Variants in FHIT observed in about 807,000 individuals in gnomAD.
FHIT encodes fragile histidine triad diadenosine triphosphatase.
A neutral mutation model predicts 17.9 loss-of-function variants in FHIT; 19 were observed. The observed-to-expected ratio is 1.06, with a 90% CI of 0.74 to 1.56. The LOEUF (loss-of-function observed/expected upper bound fraction) is 1.56, where lower values mean the gene tolerates loss of function less well. Among genes scored for constraint, FHIT ranks in the 40% most tolerant of loss-of-function variants. The pLI is 0.00. For missense variants in FHIT, 248 were observed against 189.2 expected, an observed-to-expected ratio of 1.31 and a Z score of -1.82; for synonymous variants, 81 against 69.7, an observed-to-expected ratio of 1.16 and a Z score of -0.81.
chr3:60,531,498 T>TTAG (rs2035784432), intron 5 of FHIT, among the ~76,000 whole-genome samples: 1 of 152,062 alleles, frequency 6.6e-6, no homozygotes, highest in Admixed American at 6.6e-5. Flanking sequence ...CAGGATGGTC[T>TTAG]CGATCTCCTG....
At position 61,211,730 on chromosome 3, in the gene FHIT, C is replaced by T. The variant is rs1288655261; in HGVS notation, c.-212-11065G>A. On this transcript the variant is annotated intron_variant, in intron 1 of 9. Transcript: ENST00000492590. ...AAGTAGGTCCCTGACCCCTGACCCC[C>T]GAGCAGCCTAACTGGGAGGCACCCC... Among the ~76,000 whole-genome samples, 4 of 152,222 alleles carry T rather than the reference C, an allele frequency of 2.6e-5. No homozygotes were observed. In the East Asian group the frequency reaches 5.8e-4, roughly 22 times the overall value.
chr3:61,034,461 T>C (rs2033149829), intron 3 of FHIT, among the ~76,000 whole-genome samples: 1 of 151,666 alleles, frequency 6.6e-6, no homozygotes, highest in Admixed American at 6.6e-5. Context: ...AAAAACCAGG[T>C]AATGGGTAGA....
intron 5 of FHIT, among the ~76,000 whole-genome samples, chr3:60,504,576 C>T (rs1213104116): frequency 6.6e-6 from 1 of 152,024 alleles, no homozygotes; most frequent in Non-Finnish European, 1.5e-5. Context: ...CTGCCAAATA[C>T]AATATATTGA....
chr3:60,951,270 G>C (rs1225152052), intron 3 of FHIT, among the ~76,000 whole-genome samples: 1 of 152,180 alleles, frequency 6.6e-6, no homozygotes, highest in Non-Finnish European at 1.5e-5. Context: ...CAAAAGCACA[G>C]GCAAAGAAGA....
intron 4 of FHIT, among the ~76,000 whole-genome samples, chr3:60,664,660 A>T (rs189065864): frequency 1.3e-5 from 2 of 149,792 alleles, no homozygotes; most frequent in East Asian, 3.9e-4. Context: ...TTAAATAGCT[A>T]TAGGACTAGG....
intron 8 of FHIT, among the ~76,000 whole-genome samples, chr3:59,806,302 A>C (rs1170113583): frequency 6.6e-6 from 1 of 152,184 alleles, no homozygotes; most frequent in Non-Finnish European, 1.5e-5. Flanking sequence ...GCCTCTCTTA[A>C]GCCTCACAAT....
intron 3 of FHIT, among the ~76,000 whole-genome samples, chr3:60,907,070 G>A (rs1378773182): frequency 6.6e-6 from 1 of 152,004 alleles, no homozygotes; most frequent in Non-Finnish European, 1.5e-5. Flanking sequence ...AAAGGTTCTT[G>A]GGACACAAAA....
At chr3:59,973,641 T>C (rs1708284019) in intron 7 of FHIT, among the ~76,000 whole-genome samples, 1 of 152,156 alleles carries the variant, frequency 6.6e-6, no homozygotes, top group African/African-American at 2.4e-5. Context: ...GCTATCCCAC[T>C]AGATTGTAAC....
At chr3:59,883,609 A>T (rs1001173930) in intron 8 of FHIT, among the ~76,000 whole-genome samples, 1 of 152,204 alleles carries the variant, frequency 6.6e-6, no homozygotes. Flanking sequence ...ATTCAACATG[A>T]GATTTGGGTG....
rs182121684 is a variant in FHIT, at chr3:60,515,722, C to A, written c.103+21138G>T. Among the ~76,000 whole-genome samples the A allele has an allele frequency of 1.1e-4, 16 of 152,156 alleles. No individual in the cohort carries two copies. The East Asian group carries it at 2.3e-3, about 22-fold the overall frequency. On this transcript the variant is annotated intron_variant, in intron 5 of 9. Transcript: ENST00000492590. ...CTTATATTTGAATGCTTCATATGGA[C>A]GAGAGAGAGTTTAAGCATTTTGCAT...
intron 1 of FHIT, among the ~76,000 whole-genome samples, chr3:61,207,670 C>T (rs1281981134): frequency 6.6e-6 from 1 of 152,152 alleles, no homozygotes; most frequent in African/African-American, 2.4e-5. Flanking sequence ...TTGATATCCC[C>T]TTTATCATTT....
At chr3:61,095,094 G>A (rs1267136957) in intron 2 of FHIT, among the ~76,000 whole-genome samples, 1 of 152,128 alleles carries the variant, frequency 6.6e-6, no homozygotes, top group Non-Finnish European at 1.5e-5. Context: ...GAAGGTTTGA[G>A]CCTTCTCTAA....
At chr3:61,176,935 G>C (rs571456269) in intron 2 of FHIT, among the ~76,000 whole-genome samples, 2 of 152,278 alleles carry the variant, frequency 1.3e-5, no homozygotes, top group East Asian at 3.9e-4. Flanking sequence ...CAGAACTTTG[G>C]GAGGCCGAGG....
chr3:60,261,984 T>C (rs958711787), intron 5 of FHIT, among the ~76,000 whole-genome samples: 8 of 152,024 alleles, frequency 5.3e-5, no homozygotes, highest in Non-Finnish European at 1.0e-4. Flanking sequence ...TCCTATAATA[T>C]TTCTCCCCTA....
chr3:60,611,506 A>G (rs1220043289), intron 4 of FHIT, among the ~76,000 whole-genome samples: 7 of 152,212 alleles, frequency 4.6e-5, no homozygotes, highest in Non-Finnish European at 1.0e-4. Flanking sequence ...TAAACGGGTT[A>G]AGGAAGGGAA....
chr3:60,009,163 TTATGTGTG>T (rs71089565), intron 7 of FHIT, among the ~76,000 whole-genome samples: 15,144 of 128,462 alleles, frequency 0.12, 1,541 homozygotes, highest in Non-Finnish European at 0.15. Context: ...CTCTGGGATT[TTATGTGTG>T]TGTGTGTGTG....
rs564888506 is a variant in FHIT, at chr3:60,636,622, C to G, written c.-17-99643G>C. Among the ~76,000 whole-genome samples, 19 of 152,214 alleles carry G rather than the reference C, an allele frequency of 1.2e-4. No homozygotes were observed. In the South Asian group the frequency reaches 3.7e-3, roughly 30 times the overall value. On this transcript the variant is annotated intron_variant, in intron 4 of 9. Transcript: ENST00000492590. The stretch of plus-strand genomic sequence containing the variant: ...ATTCTTTTTCCAATTAAGAGGCTTT[C>G]CCCCGCTATGAAGTAAGCAGGCATC...
intron 4 of FHIT, among the ~76,000 whole-genome samples, chr3:60,606,269 C>G (rs2038606065): frequency 6.7e-6 from 1 of 148,174 alleles, no homozygotes; most frequent in African/African-American, 2.5e-5. Context: ...GAGATGGAGT[C>G]TCGTTCTGTC....
intron 4 of FHIT, among the ~76,000 whole-genome samples, chr3:60,592,223 T>C (rs1385690059): frequency 6.8e-6 from 1 of 147,286 alleles, no homozygotes; most frequent in Non-Finnish European, 1.5e-5. Flanking sequence ...TCTATATATA[T>C]ATATACTATA....
Sources: gnomAD v4.1 joint callset for allele counts (sites outside exome capture counted in the v4.1 genomes callset) on GRCh38, gnomAD v4.1.1 for gene constraint, MANE v1.5 for transcripts, NCBI Gene and HGNC (gene_info 2026-07-23, HGNC 2026-07-21) for gene names.